FGF14: variants seen among roughly 807,000 people sequenced by gnomAD.
The protein encoded by FGF14 is fibroblast growth factor homologous factor 4.
Under a neutral mutation model 25.5 loss-of-function variants are expected in FGF14, and 5 were observed. That is an observed-to-expected ratio of 0.20 (90% CI 0.10 to 0.41). The LOEUF is 0.41. Ranked by LOEUF, FGF14 falls within the 10% of genes least tolerant of loss-of-function variation. FGF14 has a pLI of 1.00. For missense variants in FGF14, 222 were observed against 320.1 expected, an observed-to-expected ratio of 0.69 and a Z score of 2.34; for synonymous variants, 138 against 118.3, an observed-to-expected ratio of 1.17 and a Z score of -1.08.
chr13:101,979,403 T>C (rs1479332552), intron 1 of FGF14, among the ~76,000 whole-genome samples: 2 of 152,184 alleles, frequency 1.3e-5, no homozygotes, highest in African/African-American at 4.8e-5. Flanking sequence ...AACAGATGTT[T>C]TACTTCCTTT....
intron 3 of FGF14, among the ~76,000 whole-genome samples, chr13:101,852,442 A>AG (rs1199247308): frequency 1.3e-5 from 2 of 152,116 alleles, no homozygotes; most frequent in African/African-American, 2.4e-5. Flanking sequence ...TTCTTGAAGG[A>AG]GGAAAAAAAC....
chr13:101,934,955 T>C (rs2035004817), intron 1 of FGF14, among the ~76,000 whole-genome samples: 1 of 152,202 alleles, frequency 6.6e-6, no homozygotes, highest in Non-Finnish European at 1.5e-5. Context: ...TACAGTGTTG[T>C]TATCTACAGA....
intron 1 of FGF14, among the ~76,000 whole-genome samples, chr13:101,946,212 G>A (rs2035793619): frequency 6.6e-6 from 1 of 151,642 alleles, no homozygotes; most frequent in African/African-American, 2.4e-5. Context: ...TCACCCTCAG[G>A]ACTCCCATGC....
intron 1 of FGF14, among the ~76,000 whole-genome samples, chr13:101,929,209 G>C (rs1177101058): frequency 6.6e-6 from 1 of 152,180 alleles, no homozygotes; most frequent in Admixed American, 6.5e-5. Flanking sequence ...TGAAGCACGT[G>C]CAAGAACAGT....
rs1394777135 is a variant in FGF14, at chr13:101,870,161, A to G, written c.305-1333T>C. 2.0e-5 allele frequency among the ~76,000 whole-genome samples: 3 copies of G among 151,994 alleles called. No homozygotes were observed. The East Asian group carries it at 5.8e-4, about 29-fold the overall frequency. ...ATTATGTTATTCTTATGAAAGAATT[A>G]GTTTTTTTTCCTCATTTCCATTATT... On this transcript the variant is annotated intron_variant, in intron 2 of 4. Coordinates refer to ENST00000376143, the MANE Select transcript of FGF14 (RefSeq NM_004115.4).
intron 3 of FGF14, among the ~76,000 whole-genome samples, chr13:101,730,261 A>C (rs187350910): frequency 3.3e-4 from 50 of 152,332 alleles, no homozygotes; most frequent in Non-Finnish European, 5.6e-4. Flanking sequence ...TTTCAACCCT[A>C]ATCTCTCACA....
intron 1 of FGF14, among the ~76,000 whole-genome samples, chr13:102,052,381 G>C (rs535103997): frequency 2.0e-5 from 3 of 151,948 alleles, no homozygotes; most frequent in African/African-American, 7.2e-5. Flanking sequence ...TAAATATCCA[G>C]GTACGAGAAG....
Position 101,836,992 on chromosome 13 carries a change from T to G in FGF14, c.408+31733A>C, listed in dbSNP as rs554643402. Among the ~76,000 whole-genome samples, 20 of 152,244 alleles carry G rather than the reference T, an allele frequency of 1.3e-4. No homozygotes were observed. In the South Asian group the frequency reaches 3.3e-3, roughly 25 times the overall value. ...AAGTTTATTAGACTTTCTTTTAGCA[T>G]CTATGAATATAATGAGAGGAACTTT... is the stretch of plus-strand genomic sequence containing the variant. On this transcript the variant is annotated intron_variant, in intron 3 of 4. Coordinates refer to ENST00000376143, the MANE Select transcript of FGF14 (RefSeq NM_004115.4).
chr13:102,115,900 C>T (rs685685), intron 1 of FGF14, among the ~76,000 whole-genome samples: 80,732 of 151,770 alleles, frequency 0.53, 22,872 homozygotes, highest in East Asian at 0.75. Context: ...TCACCTGAGG[C>T]CGGGAGTTCA....
chr13:101,884,062 C>CAAAAAAAAAAAAAAAAAAAAAAAA (rs11315735), intron 1 of FGF14, among the ~76,000 whole-genome samples: 18 of 37,832 alleles, frequency 4.8e-4, no homozygotes, highest in Non-Finnish European at 5.5e-4. Context: ...GACTCCATCT[C>CAAAAAAAAAAAAAAAAAAAAAAAA]AAAAAAAAAA....
chr13:101,849,170 T>A (rs1413650177), intron 3 of FGF14, among the ~76,000 whole-genome samples: 2 of 152,026 alleles, frequency 1.3e-5, no homozygotes, highest in Admixed American at 6.6e-5. Flanking sequence ...TATTCACACA[T>A]CTATACTTTT....
At chr13:101,733,702 A>C (rs1314018328) in intron 3 of FGF14, among the ~76,000 whole-genome samples, 1 of 151,864 alleles carries the variant, frequency 6.6e-6, no homozygotes, top group Non-Finnish European at 1.5e-5. Context: ...TCTCGACAGC[A>C]ACTTATATTT....
At chr13:101,737,600 A>G (rs1277071591) in intron 3 of FGF14, among the ~76,000 whole-genome samples, 1 of 152,120 alleles carries the variant, frequency 6.6e-6, no homozygotes, top group African/African-American at 2.4e-5. Flanking sequence ...TGAATACAAA[A>G]TGACATATTT....
rs184214395 is a variant in FGF14 at position 102,267,620 on chromosome 13, C to A, written c.208+133851G>T. ...AGAGAGAGAGAAAGATATCTTCAAG[C>A]AAGAGATAAATTTAAATAATGTGTT... On this transcript the variant is annotated intron_variant, in intron 1 of 4. Transcript: ENST00000376131. Among the ~76,000 whole-genome samples, 320 of 151,972 alleles carry A rather than the reference C, an allele frequency of 2.1e-3. 1 individual carries two copies. Among genetic ancestry groups the A allele is most frequent in the African/African-American group, 7.3e-3 (304 of 41,430 alleles).
At chr13:102,125,465 C>A in intron 1 of FGF14, among the ~76,000 whole-genome samples, 1 of 152,080 alleles carries the variant, frequency 6.6e-6, no homozygotes, top group East Asian at 1.9e-4. Flanking sequence ...AGACACAACG[C>A]TTCACCTACT....
chr13:102,137,429 T>C (rs1282960170), intron 1 of FGF14, among the ~76,000 whole-genome samples: 1 of 152,206 alleles, frequency 6.6e-6, no homozygotes, highest in African/African-American at 2.4e-5. Flanking sequence ...TATTCCATAA[T>C]AAAATATATG....
chr13:102,337,317 T>G (rs984546763), intron 1 of FGF14, among the ~76,000 whole-genome samples: 2 of 152,158 alleles, frequency 1.3e-5, no homozygotes, highest in Non-Finnish European at 2.9e-5. Context: ...AGAACTTCAG[T>G]GAAGGAAGTA....
At chr13:101,822,420 G>C (rs2042198887) in intron 3 of FGF14, among the ~76,000 whole-genome samples, 1 of 151,350 alleles carries the variant, frequency 6.6e-6, no homozygotes, top group Non-Finnish European at 1.5e-5. Flanking sequence ...CTGTTAGTGT[G>C]AGTACTTCAA....
rs377601690 is a variant in FGF14 at position 101,767,217 on chromosome 13, G to A, written c.409-40407C>T. 2.7e-4 allele frequency among the ~76,000 whole-genome samples: 41 copies of A among 152,254 alleles called. No homozygotes were observed. In the East Asian group the frequency reaches 7.0e-3, roughly 26 times the overall value. ...CACTATGATTAATAATTATAAAGGA[G>A]CAGCCTGTTCTATTGTACAGAGCTG... On this transcript the variant is annotated intron_variant, in intron 3 of 4. Coordinates refer to ENST00000376143, the MANE Select transcript of FGF14 (RefSeq NM_004115.4).
Sources: gnomAD v4.1 joint callset for allele counts (sites outside exome capture counted in the v4.1 genomes callset) on GRCh38, gnomAD v4.1.1 for gene constraint, MANE v1.5 for transcripts, NCBI Gene and HGNC (gene_info 2026-07-23, HGNC 2026-07-21) for gene names.